BICD1: variants seen among roughly 807,000 people sequenced by gnomAD.
The protein encoded by BICD1 is protein bicaudal D homolog 1.
A neutral mutation model predicts 92.5 loss-of-function variants in BICD1; 35 were observed. The ratio of observed to expected loss-of-function variants is 0.38; its 90% confidence interval spans 0.29 to 0.50. The LOEUF is 0.50. Ranked by LOEUF, BICD1 falls within the 20% of genes least tolerant of loss-of-function variation. The probability of loss-of-function intolerance (pLI) is 0.93; values close to 1 mark genes in which losing one functional copy is unlikely to be tolerated. For synonymous variants in BICD1, 429 were observed against 465.1 expected, an observed-to-expected ratio of 0.92 and a Z score of 1.00; for missense variants, 950 against 1,189.8, an observed-to-expected ratio of 0.80 and a Z score of 2.97.
intron 2 of BICD1, among the ~76,000 whole-genome samples, chr12:32,249,004 G>C (rs924637613): frequency 5.3e-5 from 8 of 152,204 alleles, no homozygotes; most frequent in African/African-American, 1.9e-4. Context: ...GTTTAGGCAA[G>C]CCCCCTGTGC....
At chr12:32,373,024 G>C (rs946600991) in intron 9 of BICD1, among the ~76,000 whole-genome samples, 1 of 152,076 alleles carries the variant, frequency 6.6e-6, no homozygotes, top group African/African-American at 2.4e-5. Context: ...ATATAATATT[G>C]AAATATATAG....
chr12:32,353,634 G>A (rs1222917753), intron 8 of BICD1: 1 of 151,644 alleles, frequency 6.6e-6, no homozygotes, highest in Non-Finnish European at 1.5e-5. Flanking sequence ...TTCATTGAGT[G>A]GTGTCTCATA....
chr12:32,271,567 A>G (rs1947142290), intron 2 of BICD1, among the ~76,000 whole-genome samples: 1 of 152,176 alleles, frequency 6.6e-6, no homozygotes, highest in Non-Finnish European at 1.5e-5. Context: ...CCCCCAAGGA[A>G]TCACTGCCTA....
intron 4 of BICD1, among the ~76,000 whole-genome samples, chr12:32,308,209 T>A (rs73295812): frequency 0.1 from 15,355 of 152,244 alleles, 890 homozygotes; most frequent in African/African-American, 0.15. Context: ...TTTCGTTTGG[T>A]TTAGGCGGTT....
At chr12:32,121,591 C>CAAAAATAAAAAT (rs55816130) in intron 1 of BICD1, among the ~76,000 whole-genome samples, 40 of 138,272 alleles carry the variant, frequency 2.9e-4, no homozygotes, top group Middle Eastern at 3.5e-3. Flanking sequence ...GTTCTGTCTC[C>CAAAAATAAAAAT]AAAAATAAAA....
chr12:32,112,993 G>T (rs1009716883), intron 1 of BICD1, among the ~76,000 whole-genome samples: 4 of 152,150 alleles, frequency 2.6e-5, no homozygotes, highest in Admixed American at 2.0e-4. Flanking sequence ...TCTTAGAGAG[G>T]TTTAGGTCTC....
intron 2 of BICD1, among the ~76,000 whole-genome samples, chr12:32,237,285 A>G (rs185724835): frequency 2.7e-4 from 41 of 152,308 alleles, no homozygotes; most frequent in Non-Finnish European, 5.6e-4. Context: ...GGGTTGGTTC[A>G]TGAGGTTTAA....
At chr12:32,114,516 G>A (rs1342327670) in intron 1 of BICD1, among the ~76,000 whole-genome samples, 3 of 152,068 alleles carry the variant, frequency 2.0e-5, no homozygotes, top group African/African-American at 7.2e-5. Flanking sequence ...AAGTAGCTGG[G>A]ACTACAGGTG....
intron 1 of BICD1, among the ~76,000 whole-genome samples, chr12:32,155,483 G>T (rs1027601355): frequency 2.6e-5 from 4 of 152,158 alleles, no homozygotes; most frequent in African/African-American, 9.7e-5. Context: ...GTTTCTCACA[G>T]ATTAAAGTAC....
chr12:32,256,903 A>C (rs1946734454), intron 2 of BICD1, among the ~76,000 whole-genome samples: 1 of 144,736 alleles, frequency 6.9e-6, no homozygotes, highest in Middle Eastern at 3.4e-3. Context: ...TAAGCACTTA[A>C]TTTCTTTTTA....
chr12:32,119,000 G>A (rs568505706), intron 1 of BICD1, among the ~76,000 whole-genome samples: 1 of 152,312 alleles, frequency 6.6e-6, no homozygotes, highest in African/African-American at 2.4e-5. Flanking sequence ...GTGCCATGAG[G>A]GAAGAGACAG....
chr12:32,117,860 C>T (rs1404787352), intron 1 of BICD1, among the ~76,000 whole-genome samples: 2 of 149,796 alleles, frequency 1.3e-5, no homozygotes, highest in African/African-American at 4.9e-5. Flanking sequence ...AAGCAATTCT[C>T]CTGCCTCAGG....
chr12:32,315,891 T>C (rs1481669445), intron 4 of BICD1, among the ~76,000 whole-genome samples: 2 of 152,056 alleles, frequency 1.3e-5, no homozygotes, highest in South Asian at 4.1e-4. Context: ...ATCCTAGCAC[T>C]TTGGGAGGCT....
At chr12:32,357,986 A>G (rs531360826) in intron 8 of BICD1, among the ~76,000 whole-genome samples, 1 of 152,292 alleles carries the variant, frequency 6.6e-6, no homozygotes, top group Admixed American at 6.5e-5. Flanking sequence ...ACCTGGGCAC[A>G]AGTTCTCACT....
In BICD1 at chr12:32,382,952, CA is replaced by C. The variant is rs1218909626; in HGVS notation, c.*5329del. 6.6e-6 allele frequency: 1 copy of C among 152,048 alleles called. No homozygotes were observed. The highest frequency in any genetic ancestry group is 2.4e-5 in the African/African-American group (1 of 41,428). The allele number at this position is 152,048 out of a possible 1,614,324, so 9.4% of individuals were successfully genotyped here. The stretch of plus-strand genomic sequence containing the variant: ...ATACATCATTTTAACATTATTCCCA[CA>C]AAATGTTAAAGCTCAATGGTTTGAC... On this transcript the variant is annotated 3_prime_UTR_variant, in exon 10 of 10. Transcript: ENST00000652176.
chr12:32,161,764 G>A (rs184451984), intron 1 of BICD1, among the ~76,000 whole-genome samples: 1 of 152,232 alleles, frequency 6.6e-6, no homozygotes. Context: ...TAAGTGCAGG[G>A]AAGTATATAT....
intron 9 of BICD1, among the ~76,000 whole-genome samples, chr12:32,368,437 G>A (rs760624269): frequency 2.0e-5 from 3 of 152,164 alleles, no homozygotes; most frequent in African/African-American, 7.2e-5. Flanking sequence ...GCTCACACCC[G>A]TAATCCCAGC....
At chr12:32,228,103 T>C (rs1364565362) in intron 2 of BICD1, 2 of 214,424 alleles carry the variant, frequency 9.3e-6, no homozygotes, top group Non-Finnish European at 2.0e-5. Context: ...AGGATGTTCT[T>C]GGTGTTCTTG....
chr12:32,135,411 TTTTTTG>T (rs1183856193), intron 1 of BICD1, among the ~76,000 whole-genome samples: 5 of 136,678 alleles, frequency 3.7e-5, no homozygotes, highest in Admixed American at 2.2e-4. Flanking sequence ...TTTTTTTTTT[TTTTTTG>T]AGACAGGGTC....
Sources: allele counts gnomAD v4.1 joint callset (sites outside exome capture counted in the v4.1 genomes callset), GRCh38; gene constraint gnomAD v4.1.1; transcripts MANE v1.5; gene names NCBI Gene and HGNC (gene_info 2026-07-23, HGNC 2026-07-21).